Variants in USP49 observed in about 807,000 individuals in gnomAD.
The protein encoded by USP49 is ubiquitin specific peptidase 49.
In USP49, 24 loss-of-function variants were observed where a neutral mutation model predicts 58.6. The observed-to-expected ratio is 0.41, with a 90% CI of 0.30 to 0.58. The LOEUF (loss-of-function observed/expected upper bound fraction) is 0.58, where lower values mean the gene tolerates loss of function less well. USP49 is among the 20% of genes least tolerant of loss of function. The pLI is 0.30. For synonymous variants in USP49, 408 were observed against 365.1 expected, an observed-to-expected ratio of 1.12 and a Z score of -1.34; for missense variants, 703 against 866.1, an observed-to-expected ratio of 0.81 and a Z score of 2.36.
In USP49 at chr6:41,827,180, C is replaced by G. The variant is rs540990313; in HGVS notation, c.-28-20169G>C. On this transcript the variant is annotated intron_variant, in intron 3 of 7. Coordinates refer to ENST00000682992, the MANE Select transcript of USP49 (RefSeq NM_001286554.2). ...ATGATGTTGATCATATAAGTCAGTT[C>G]CCAAGAAACTGGGCATCATACGTTA... Among the ~76,000 whole-genome samples the G allele has an allele frequency of 2.6e-5, 4 of 152,276 alleles. No homozygotes were observed. The South Asian group carries it at 6.2e-4, about 24-fold the overall frequency.
chr6:41,839,404 CAAAAAAAAAAAA>C (rs538220746), intron 3 of USP49, among the ~76,000 whole-genome samples: 117 of 22,260 alleles, frequency 5.3e-3, no homozygotes, highest in African/African-American at 0.011. Context: ...GGCCTTGTCT[CAAAAAAAAAAAA>C]AAAAAAAAAA....
intron 3 of USP49, among the ~76,000 whole-genome samples, chr6:41,812,460 G>T (rs1005950076): frequency 6.6e-6 from 1 of 151,248 alleles, no homozygotes; most frequent in African/African-American, 2.4e-5. Context: ...TTGGGAGGCC[G>T]AGACGGGCGG....
chr6:41,817,149 G>GTTTTTTT (rs1773366429), intron 3 of USP49, among the ~76,000 whole-genome samples: 1 of 69,660 alleles, frequency 1.4e-5, no homozygotes, highest in African/African-American at 6.4e-5. Flanking sequence ...TCCCACGCAT[G>GTTTTTTT]CTTTTTTTTT....
Position 41,823,756 on chromosome 6 carries a change from C to T in USP49, c.-28-16745G>A, listed in dbSNP as rs191951814. Among the ~76,000 whole-genome samples the T allele has an allele frequency of 2.6e-5, 4 of 152,274 alleles. No homozygotes were observed. The East Asian group carries it at 7.7e-4, about 29-fold the overall frequency. ...CTTCCTTCCCCTCATGGAACAGCTC[C>T]TAACATTATTGCAGTGTACTGGTAA... On this transcript the variant is annotated intron_variant, in intron 3 of 7. Transcript: ENST00000682992.
At chr6:41,882,032 A>G (rs747033793) in intron 2 of USP49, among the ~76,000 whole-genome samples, 1 of 148,104 alleles carries the variant, frequency 6.8e-6, no homozygotes, top group Non-Finnish European at 1.5e-5. Flanking sequence ...CTAAATATTT[A>G]AAAAAAAGAT....
At chr6:41,859,666 T>C (rs1774187241) in intron 3 of USP49, among the ~76,000 whole-genome samples, 1 of 152,208 alleles carries the variant, frequency 6.6e-6, no homozygotes, top group Non-Finnish European at 1.5e-5. Flanking sequence ...GTGTCCTCTT[T>C]GGCAAATTAT....
At chr6:41,861,388 A>G (rs1190489593) in intron 3 of USP49, among the ~76,000 whole-genome samples, 1 of 152,132 alleles carries the variant, frequency 6.6e-6, no homozygotes, top group African/African-American at 2.4e-5. Context: ...GCTTGCAGTG[A>G]GCCAAGATCG....
At position 41,804,440 on chromosome 6, in the gene USP49, C is replaced by T. The variant is rs763020905; in HGVS notation, c.1357-430G>A. Among the ~76,000 whole-genome samples, 17 of 152,110 alleles carry T rather than the reference C, an allele frequency of 1.1e-4. 1 individual carries two copies. Among genetic ancestry groups the T allele is most frequent in the South Asian group, 2.1e-4 (1 of 4,828 alleles). On this transcript the variant is annotated intron_variant, in intron 4 of 7. Transcript: ENST00000682992. Reference sequence around the variant, plus strand: ...GGGGCCCAGCATGCCTCTCTTTTTGCCTTTGTTACTTGCAGAAGCCCTACA... The same window carrying T: ...GGGGCCCAGCATGCCTCTCTTTTTGTCTTTGTTACTTGCAGAAGCCCTACA...
At chr6:41,884,745 T>C (rs938377027) in intron 2 of USP49, among the ~76,000 whole-genome samples, 5 of 152,328 alleles carry the variant, frequency 3.3e-5, no homozygotes, top group African/African-American at 9.6e-5. Flanking sequence ...AATAGAAACT[T>C]TTCTTATTTC....
In USP49 at chr6:41,824,930, A is replaced by T. The variant is rs553940329; in HGVS notation, c.-28-17919T>A. 3.9e-5 allele frequency among the ~76,000 whole-genome samples: 6 copies of T among 152,300 alleles called. No homozygotes were observed. In the South Asian group the frequency reaches 1.2e-3, roughly 32 times the overall value. ...TTTCAAAGACGTGGACTGTGCATGA[A>T]CCCTCATCTCTTGTACAAGAATAAA... is the stretch of plus-strand genomic sequence containing the variant. On this transcript the variant is annotated intron_variant, in intron 3 of 7. Coordinates refer to ENST00000682992, the MANE Select transcript of USP49 (RefSeq NM_001286554.2).
intron 5 of USP49, among the ~76,000 whole-genome samples, chr6:41,802,463 TATTTA>T (rs1482537727): frequency 0.011 from 1,029 of 94,810 alleles, 39 homozygotes; most frequent in East Asian, 0.035. Flanking sequence ...TTTATTTATT[TATTTA>T]TTTTTTATTT....
Position 41,851,717 on chromosome 6 carries a change from G to A in USP49, c.-29+19847C>T, listed in dbSNP as rs535356661. On this transcript the variant is annotated intron_variant, in intron 3 of 7. Transcript: ENST00000682992. ...CACCTGTAATCCCAGCACTTTGGGA[G>A]GCCAAGGCAGATGGATCACGAGATC... Among the ~76,000 whole-genome samples, 3 of 152,054 alleles carry A rather than the reference G, an allele frequency of 2.0e-5. No individual in the cohort carries two copies. The South Asian group carries it at 6.2e-4, about 32-fold the overall frequency.
chr6:41,855,962 C>T (rs769658874), intron 3 of USP49, among the ~76,000 whole-genome samples: 2 of 151,740 alleles, frequency 1.3e-5, no homozygotes, highest in Non-Finnish European at 2.9e-5. Context: ...GCAGGAGGAT[C>T]GCTTGAACCC....
rs1772960893 is a variant in USP49, at chr6:41,799,712, G to A, written c.1670+118C>T. The A allele has an allele frequency of 4.8e-6, 4 of 833,328 alleles. No individual in the cohort carries two copies. In the East Asian group the frequency reaches 1.0e-4, roughly 21 times the overall value. 51.6% of individuals were successfully genotyped at this position (833,328 alleles called of 1,614,324 possible). A position where few individuals can be genotyped will look rare whatever the true frequency, so the allele number is the denominator to read the frequency against. ...GTTTAATCTCCATGGAAAACACGAG[G>A]TCTCAAGTGAACAGGCTTCCCCTCC... On this transcript the variant is annotated intron_variant, in intron 6 of 7. Transcript: ENST00000682992.
intron 7 of USP49, 179 bp downstream of exon 7, chr6:41,798,545 G>C: frequency 6.7e-7 from 1 of 1,502,734 alleles, no homozygotes; most frequent in African/African-American, 1.4e-5. Flanking sequence ...CAAAGCGCTA[G>C]GATTACAGGT....
intron 3 of USP49, among the ~76,000 whole-genome samples, chr6:41,811,390 T>C (rs1581996935): frequency 6.6e-6 from 1 of 152,208 alleles, no homozygotes; most frequent in African/African-American, 2.4e-5. Context: ...ATTGTTGTAA[T>C]TGTTCTATTG....
chr6:41,880,998 T>C (rs1774594204), intron 2 of USP49, among the ~76,000 whole-genome samples: 1 of 151,912 alleles, frequency 6.6e-6, no homozygotes, highest in Non-Finnish European at 1.5e-5. Context: ...AGTGGTATGG[T>C]CTTGGCTCAT....
At chr6:41,817,047 C>CT (rs534029283) in intron 3 of USP49, among the ~76,000 whole-genome samples, 56 of 151,210 alleles carry the variant, frequency 3.7e-4, no homozygotes, top group African/African-American at 1.2e-3. Flanking sequence ...GCTATACTGC[C>CT]TAGGCTGGAC....
At chr6:41,829,211 A>G (rs1284316289) in intron 3 of USP49, among the ~76,000 whole-genome samples, 1 of 152,346 alleles carries the variant, frequency 6.6e-6, no homozygotes, top group East Asian at 1.9e-4. Flanking sequence ...TTTGACCTAC[A>G]TAAATTATAA....
Sources: gnomAD v4.1 joint callset for allele counts (sites outside exome capture counted in the v4.1 genomes callset) on GRCh38, gnomAD v4.1.1 for gene constraint, MANE v1.5 for transcripts, NCBI Gene and HGNC (gene_info 2026-07-23, HGNC 2026-07-21) for gene names.